The following DENND1A variants were observed in gnomAD, a reference collection of about 807,000 sequenced individuals.
DENND1A encodes the protein DENN domain containing 1A, also known as DENN domain-containing protein 1A.
In DENND1A, 51 loss-of-function variants were observed where a neutral mutation model predicts 113.7. That is an observed-to-expected ratio of 0.45 (90% CI 0.36 to 0.57). The LOEUF (loss-of-function observed/expected upper bound fraction) is 0.57. Among genes scored for constraint, DENND1A ranks in the 20% least tolerant of loss-of-function variants. DENND1A has a pLI of 0.00. For missense variants in DENND1A, 1,258 were observed against 1,395.9 expected (o/e 0.90, Z 1.57); for synonymous variants, 565 against 570.8 (o/e 0.99, Z 0.14).
At chr9:123,902,960 G>C (rs1015427398) in intron 1 of DENND1A, among the ~76,000 whole-genome samples, 26 of 151,956 alleles carry the variant, frequency 1.7e-4, no homozygotes, top group Admixed American at 6.6e-5. Context: ...AAAAAGAATA[G>C]TATAACATGA....
In DENND1A at chr9:123,651,529, C is replaced by G. The variant is rs192504216; in HGVS notation, c.618+484G>C. Among the ~76,000 whole-genome samples the G allele has an allele frequency of 4.6e-5, 7 of 152,370 alleles. No individual in the cohort carries two copies. The East Asian group carries it at 1.3e-3, about 29-fold the overall frequency. The stretch of plus-strand genomic sequence containing the variant: ...CCTGTTTGCAAAGCAATTTGGCAGT[C>G]CCTAAGTCATAGCGCTTATCAAGCC... On this transcript the variant is annotated intron_variant, in intron 9 of 23. Coordinates refer to ENST00000394215, the MANE Select transcript of DENND1A (RefSeq NM_001352964.2).
At chr9:123,811,340 G>A (rs1590187539) in intron 2 of DENND1A, among the ~76,000 whole-genome samples, 1 of 152,220 alleles carries the variant, frequency 6.6e-6, no homozygotes, top group Admixed American at 6.5e-5. Flanking sequence ...GGGGAAATAA[G>A]CAGTCTCCTA....
At chr9:123,386,962 G>A (rs528457022) in intron 22 of DENND1A, among the ~76,000 whole-genome samples, 2 of 152,226 alleles carry the variant, frequency 1.3e-5, no homozygotes, top group South Asian at 4.1e-4. Flanking sequence ...AACGATTAAC[G>A]TGCCCCCTGG....
chr9:123,488,957 G>A (rs990680792), intron 13 of DENND1A, among the ~76,000 whole-genome samples: 1 of 152,138 alleles, frequency 6.6e-6, no homozygotes, highest in African/African-American at 2.4e-5. Flanking sequence ...GCTCCCCTCT[G>A]GCCTCCCACA....
At chr9:123,423,132 G>C (rs995546746) in intron 19 of DENND1A, among the ~76,000 whole-genome samples, 9 of 152,218 alleles carry the variant, frequency 5.9e-5, no homozygotes, top group African/African-American at 2.2e-4. Flanking sequence ...CCAGATGCTA[G>C]AGCCGGATGC....
chr9:123,667,112 G>T, intron 7 of DENND1A, 33 bp from the exon 8 acceptor site: 1 of 1,569,016 alleles, frequency 6.4e-7, no homozygotes, highest in Admixed American at 1.9e-5. Flanking sequence ...ATTTATTTCT[G>T]CTAAAATGTG....
intron 21 of DENND1A, among the ~76,000 whole-genome samples, chr9:123,398,383 T>C (rs28615948): frequency 2.0e-5 from 3 of 152,104 alleles, no homozygotes; most frequent in African/African-American, 7.2e-5. Context: ...TTTCTTTTTC[T>C]TTTTTATTTG....
chr9:123,479,259 CA>C (rs1362183068), intron 13 of DENND1A, among the ~76,000 whole-genome samples: 1 of 152,152 alleles, frequency 6.6e-6, no homozygotes, highest in Non-Finnish European at 1.5e-5. Flanking sequence ...TGCCACCTTT[CA>C]AAAGGTCACC....
chr9:123,682,236 A>T (rs2064511827), intron 5 of DENND1A, among the ~76,000 whole-genome samples: 1 of 152,188 alleles, frequency 6.6e-6, no homozygotes, highest in South Asian at 2.1e-4. Flanking sequence ...AATAAAAGTA[A>T]TTTGCAATAA....
chr9:123,438,808 G>A (rs1173273531), intron 19 of DENND1A, among the ~76,000 whole-genome samples: 1 of 152,144 alleles, frequency 6.6e-6, no homozygotes, highest in Non-Finnish European at 1.5e-5. Flanking sequence ...CATTTAGCTG[G>A]GAATGACATT....
chr9:123,517,122 G>A (rs1360155523), intron 13 of DENND1A, among the ~76,000 whole-genome samples: 11 of 151,250 alleles, frequency 7.3e-5, no homozygotes, highest in African/African-American at 1.2e-4. Flanking sequence ...GCGTGGTGGC[G>A]GGCACCTGTA....
chr9:123,887,315 G>A (rs1286605421), intron 1 of DENND1A, among the ~76,000 whole-genome samples: 2 of 152,168 alleles, frequency 1.3e-5, no homozygotes, highest in African/African-American at 2.4e-5. Flanking sequence ...GGCGGGGCAA[G>A]GAAGGTGTCC....
At chr9:123,674,690 A>G (rs1232009655) in intron 6 of DENND1A, among the ~76,000 whole-genome samples, 1 of 152,226 alleles carries the variant, frequency 6.6e-6, no homozygotes, top group Non-Finnish European at 1.5e-5. Flanking sequence ...AGTCCTGCTG[A>G]AGCAATCGCC....
chr9:123,542,327 G>A (rs758080531), intron 13 of DENND1A, among the ~76,000 whole-genome samples: 5 of 152,226 alleles, frequency 3.3e-5, no homozygotes, highest in Non-Finnish European at 5.9e-5. Flanking sequence ...GAAAGGTATA[G>A]TAACTTGTGT....
chr9:123,840,451 G>T (rs1841664752), intron 2 of DENND1A, among the ~76,000 whole-genome samples: 1 of 151,964 alleles, frequency 6.6e-6, no homozygotes, highest in Non-Finnish European at 1.5e-5. Flanking sequence ...GAGGTCGTTA[G>T]AATTTTTTAT....
At chr9:123,671,439 G>T in intron 6 of DENND1A, 68 bp from the exon 7 acceptor site, 6 of 1,492,880 alleles carry the variant, frequency 4.0e-6, no homozygotes, top group East Asian at 4.5e-5. Flanking sequence ...CTGCAGGGAG[G>T]TCTGGGCACA....
chr9:123,392,817 AC>A (rs1398947058), intron 21 of DENND1A, among the ~76,000 whole-genome samples: 1 of 151,392 alleles, frequency 6.6e-6, no homozygotes, highest in South Asian at 2.1e-4. Context: ...CCCCCTTCCT[AC>A]CCTTTCCCTG....
At chr9:123,787,011 ACAAGGCCC>A (rs985482947) in intron 3 of DENND1A, among the ~76,000 whole-genome samples, 2 of 152,192 alleles carry the variant, frequency 1.3e-5, no homozygotes, top group Non-Finnish European at 2.9e-5. Flanking sequence ...CTTGGTGAAT[ACAAGGCCC>A]CAAGGACCAC....
intron 19 of DENND1A, among the ~76,000 whole-genome samples, chr9:123,417,520 C>T (rs7026808): frequency 0.12 from 18,221 of 152,142 alleles, 1,408 homozygotes; most frequent in African/African-American, 0.22. Flanking sequence ...CAGCTAGTAG[C>T]GAAAACTAAA....
Sources: gnomAD v4.1 joint callset for allele counts (sites outside exome capture counted in the v4.1 genomes callset) on GRCh38, gnomAD v4.1.1 for gene constraint, MANE v1.5 for transcripts, NCBI Gene and HGNC (gene_info 2026-07-23, HGNC 2026-07-21) for gene names.